Variants in RHAG observed in about 807,000 individuals in gnomAD.
RHAG encodes the protein Rh associated glycoprotein.
In RHAG, 25 loss-of-function variants were observed where a neutral mutation model predicts 42.4. That is an observed-to-expected ratio of 0.59 (90% confidence interval 0.43 to 0.82). RHAG has a LOEUF of 0.82. RHAG is among the 40% of genes least tolerant of loss of function. RHAG has a pLI of 0.00. For synonymous variants in RHAG, 182 were observed against 177.7 expected (o/e 1.02, Z -0.19); for missense variants, 483 against 504.6 (o/e 0.96, Z 0.41).
chr6:49,618,286 C>T, intron 2 of RHAG, 68 bp from the exon 3 acceptor site: 2 of 1,543,296 alleles, frequency 1.3e-6, no homozygotes, highest in East Asian at 2.2e-5. Flanking sequence ...AAGTGCAATC[C>T]CATCTCCCAC....
chr6:49,633,135 A>G (rs924578272), intron 1 of RHAG, among the ~76,000 whole-genome samples: 1 of 152,166 alleles, frequency 6.6e-6, no homozygotes, highest in African/African-American at 2.4e-5. Flanking sequence ...ATAAATTTGT[A>G]TTTTCTGTAG....
rs920001581 is a variant in RHAG at position 49,605,592 on chromosome 6, T to C, written c.*221A>G. The C allele has an allele frequency of 4.7e-6, 3 of 633,084 alleles. No individual in the cohort carries two copies. The African/African-American group carries it at 5.5e-5, about 12-fold the overall frequency. 39.2% of individuals were successfully genotyped at this position (633,084 alleles called of 1,614,324 possible). On this transcript the variant is annotated 3_prime_UTR_variant, in exon 10 of 10. Coordinates refer to ENST00000371175, the MANE Select transcript of RHAG (RefSeq NM_000324.3). ...GAGTAACATCCCCTCAATTAATCATTGAAGAGCAAGAGACAGCATCAGACA... is the reference window on the plus strand; with the variant it reads ...GAGTAACATCCCCTCAATTAATCATCGAAGAGCAAGAGACAGCATCAGACA...
chr6:49,609,309 A>T (rs1762528561), intron 7 of RHAG, among the ~76,000 whole-genome samples: 1 of 152,140 alleles, frequency 6.6e-6, no homozygotes, highest in African/African-American at 2.4e-5. Context: ...CAAGGACCAG[A>T]CCCTCAACCA....
chr6:49,635,000 C>A (rs1416897635), intron 1 of RHAG, among the ~76,000 whole-genome samples: 1 of 124,432 alleles, frequency 8.0e-6, no homozygotes, highest in African/African-American at 3.0e-5. Flanking sequence ...CTGTGTGTGT[C>A]GGGGGGGTGG....
Position 49,605,702 on chromosome 6 carries a change from A to G in RHAG, c.*111T>C, listed in dbSNP as rs1362916363. On this transcript the variant is annotated 3_prime_UTR_variant, in exon 10 of 10. Transcript: ENST00000371175. ...CTCTTTGGTTACTCCCTTTTTGTTT[A>G]TTTGGACTTGATTCTGGATAATGGG... 9.7e-7 allele frequency: 1 copy of G among 1,029,088 alleles called. No individual in the cohort carries two copies. Among genetic ancestry groups the G allele is most frequent in the Non-Finnish European group, 1.5e-6 (1 of 646,852 alleles). 63.7% of individuals were successfully genotyped at this position (1,029,088 alleles called of 1,614,324 possible).
chr6:49,618,315 C>T, intron 2 of RHAG, 97 bp from the exon 3 acceptor site: 1 of 1,293,438 alleles, frequency 7.7e-7, no homozygotes, highest in Non-Finnish European at 1.1e-6. Context: ...TCCAGTGCTT[C>T]CCAGGCTTAC....
rs1762676401 is a variant in RHAG, at chr6:49,617,632, G to A, written c.492+436C>T. On this transcript the variant is annotated intron_variant, in intron 3 of 9. Coordinates refer to ENST00000371175, the MANE Select transcript of RHAG (RefSeq NM_000324.3). The stretch of plus-strand genomic sequence containing the variant: ...CCTGGGGGGAATCAATGAAATATTT[G>A]TGGAGAAAAAAGTTTGACTGAGGCC... Among the ~76,000 whole-genome samples, 3 of 152,116 alleles carry A rather than the reference G, an allele frequency of 2.0e-5. No individual in the cohort carries two copies. The South Asian group carries it at 6.2e-4, about 32-fold the overall frequency.
chr6:49,611,260 T>C (rs377165448), intron 6 of RHAG, 115 bp from the exon 7 acceptor site: 17 of 801,832 alleles, frequency 2.1e-5, no homozygotes, highest in African/African-American at 1.9e-4. Context: ...ATTTTATAAA[T>C]AATTTTTATG....
chr6:49,626,391 G>C (rs1026315175), intron 1 of RHAG, among the ~76,000 whole-genome samples: 1 of 152,188 alleles, frequency 6.6e-6, no homozygotes, highest in Non-Finnish European at 1.5e-5. Context: ...AAATCCAATG[G>C]GCAGTCCTTA....
chr6:49,622,578 C>T (rs564484650), intron 1 of RHAG, among the ~76,000 whole-genome samples: 1 of 152,208 alleles, frequency 6.6e-6, no homozygotes, highest in East Asian at 1.9e-4. Context: ...CACCATGACA[C>T]CCAAGAGGTG....
At chr6:49,635,744 C>A (rs1269460678) in intron 1 of RHAG, among the ~76,000 whole-genome samples, 2 of 151,862 alleles carry the variant, frequency 1.3e-5, no homozygotes, top group Non-Finnish European at 2.9e-5. Flanking sequence ...CATATTAATT[C>A]CCTCAAAAAA....
intron 1 of RHAG, among the ~76,000 whole-genome samples, chr6:49,634,772 C>T (rs1422888496): frequency 2.6e-5 from 4 of 151,614 alleles, no homozygotes; most frequent in African/African-American, 4.8e-5. Flanking sequence ...TGTAGAAGAG[C>T]GATGTGACTA....
At chr6:49,610,815 T>C (rs1762559205) in intron 7 of RHAG, among the ~76,000 whole-genome samples, 1 of 152,220 alleles carries the variant, frequency 6.6e-6, no homozygotes, top group African/African-American at 2.4e-5. Context: ...AATAACACTG[T>C]TAATTTTTTT....
chr6:49,626,254 CTG>C (rs1762842308), intron 1 of RHAG, among the ~76,000 whole-genome samples: 2 of 152,152 alleles, frequency 1.3e-5, no homozygotes, highest in Admixed American at 1.3e-4. Context: ...ACCTGTGAGT[CTG>C]TAAAATGAAA....
Position 49,614,834 on chromosome 6 carries a change from C to T in RHAG, c.660G>A (p.Met220Ile), listed in dbSNP as rs776003644. ...TGGCCGAGTTAAAGCTGGGCCAAAA[C>T]ATCCACAGAAAGAGAGTCCCTGTAG... is the stretch of plus-strand genomic sequence containing the variant. ...FAMIGTLFLW[M>I]FWPSFNSAIA... The change falls in exon 5 of 10, where the codon ATG becomes ATA. Residue 220 changes from methionine to isoleucine, a missense_variant. By Grantham distance (10) the Met-to-Ile change is conservative (BLOSUM62 1). Transcript: ENST00000371175. The T allele has an allele frequency of 6.2e-7, 1 of 1,614,208 alleles. No homozygotes were observed. Among genetic ancestry groups the T allele is most frequent in the South Asian group, 1.1e-5 (1 of 91,076 alleles).
intron 1 of RHAG, among the ~76,000 whole-genome samples, chr6:49,633,703 T>C (rs1377496172): frequency 6.6e-6 from 1 of 152,102 alleles, no homozygotes; most frequent in African/African-American, 2.4e-5. Context: ...AGGAGACAAG[T>C]TAATTAATTG....
rs756129341 is a variant in RHAG at position 49,614,766 on chromosome 6, G to C, written c.728C>G (p.Thr243Arg). 1 of 1,614,084 alleles carries C rather than the reference G, an allele frequency of 6.2e-7. No homozygotes were observed. Among genetic ancestry groups the C allele is most frequent in the Non-Finnish European group, 8.5e-7 (1 of 1,180,002 alleles). The change falls in exon 5 of 10, where the codon ACG (threonine) becomes AGG (arginine). Residue 243 changes from threonine (T) to arginine (R), a missense_variant. Transcript: ENST00000371175. ...GDKQCRAIVN[T>R]YFSLAACVLT... ...CACACAGGCAGCGAGAGAGAAGTAC[G>C]TGTTTACAATGGCCCTGCACTGTTT...
At chr6:49,617,864 A>G (rs1379711337) in intron 3 of RHAG, among the ~76,000 whole-genome samples, 2 of 152,210 alleles carry the variant, frequency 1.3e-5, no homozygotes, top group African/African-American at 2.4e-5. Flanking sequence ...CGTACAATGC[A>G]GTGTTGTTGT....
chr6:49,629,644 G>A (rs556233303), intron 1 of RHAG, among the ~76,000 whole-genome samples: 4 of 152,142 alleles, frequency 2.6e-5, no homozygotes, highest in Non-Finnish European at 5.9e-5. Context: ...GCCCATGGAG[G>A]GGGTGGGGGG....
Sources: gnomAD v4.1 joint callset for allele counts (sites outside exome capture counted in the v4.1 genomes callset) on GRCh38, gnomAD v4.1.1 for gene constraint, MANE v1.5 for transcripts, NCBI Gene and HGNC (gene_info 2026-07-23, HGNC 2026-07-21) for gene names.